RBFOX1: variants seen among roughly 807,000 people sequenced by gnomAD.
The protein encoded by RBFOX1 is RNA binding protein fox-1 homolog 1.
RBFOX1 carries 8 observed loss-of-function variants against 57.7 expected under a neutral mutation model. The observed-to-expected ratio is 0.14, with a 90% CI of 0.08 to 0.25. RBFOX1 has a LOEUF of 0.25. Among genes scored for constraint, RBFOX1 ranks in the 10% least tolerant of loss-of-function variants. RBFOX1 has a pLI of 1.00. For missense variants in RBFOX1, 611 were observed against 548.5 expected, an observed-to-expected ratio of 1.11 and a Z score of -1.14; for synonymous variants, 326 against 222.4, an observed-to-expected ratio of 1.47 and a Z score of -4.15.
At chr16:6,809,382 T>C (rs994363903) in intron 3 of RBFOX1, among the ~76,000 whole-genome samples, 3 of 152,194 alleles carry the variant, frequency 2.0e-5, no homozygotes, top group Non-Finnish European at 2.9e-5. Flanking sequence ...AGACACTTTC[T>C]AAAGGTGCAT....
chr16:7,459,382 T>G (rs2059136841), intron 4 of RBFOX1, among the ~76,000 whole-genome samples: 1 of 152,220 alleles, frequency 6.6e-6, no homozygotes, highest in Non-Finnish European at 1.5e-5. Context: ...CAAAAGTATG[T>G]TTGGTTCCGT....
At chr16:7,577,393 C>G (rs777872450) in intron 5 of RBFOX1, among the ~76,000 whole-genome samples, 1 of 152,204 alleles carries the variant, frequency 6.6e-6, no homozygotes, top group Admixed American at 6.5e-5. Context: ...CACACATACT[C>G]TCCTGAATCC....
At chr16:6,007,273 C>G (rs997710680) in intron 4 of RBFOX1, among the ~76,000 whole-genome samples, 1 of 152,214 alleles carries the variant, frequency 6.6e-6, no homozygotes, top group Non-Finnish European at 1.5e-5. Context: ...AAGTCAGTTT[C>G]CCGCTTGGAT....
chr16:7,252,668 C>T (rs769091141), intron 4 of RBFOX1, among the ~76,000 whole-genome samples: 1 of 151,328 alleles, frequency 6.6e-6, no homozygotes, highest in South Asian at 2.1e-4. Context: ...GCTACTTGTC[C>T]TAGACGTAAC....
intron 3 of RBFOX1, among the ~76,000 whole-genome samples, chr16:5,704,935 A>T (rs566471167): frequency 6.6e-6 from 1 of 152,268 alleles, no homozygotes; most frequent in South Asian, 2.1e-4. Context: ...CCAAAAAGTC[A>T]TATGGGAATG....
chr16:5,705,016 C>T (rs539916240), intron 3 of RBFOX1, among the ~76,000 whole-genome samples: 1 of 144,840 alleles, frequency 6.9e-6, no homozygotes, highest in East Asian at 2.1e-4. Flanking sequence ...GAATCTCTCC[C>T]TCCAGCCCAT....
chr16:6,719,186 A>G (rs553989819), intron 3 of RBFOX1, among the ~76,000 whole-genome samples: 1 of 152,192 alleles, frequency 6.6e-6, no homozygotes, highest in South Asian at 2.1e-4. Flanking sequence ...ACATATTTCT[A>G]TGCAAAAATG....
chr16:6,402,604 G>A (rs927613826), intron 2 of RBFOX1, among the ~76,000 whole-genome samples: 1 of 152,050 alleles, frequency 6.6e-6, no homozygotes, highest in Admixed American at 6.6e-5. Context: ...TTTACACTGG[G>A]TTGCTGTCCT....
intron 3 of RBFOX1, among the ~76,000 whole-genome samples, chr16:5,793,284 C>T (rs768671745): frequency 2.3e-4 from 35 of 152,246 alleles, no homozygotes; most frequent in Non-Finnish European, 4.4e-4. Context: ...TGCTTCTCCC[C>T]TGGCCCGCCT....
intron 4 of RBFOX1, among the ~76,000 whole-genome samples, chr16:7,340,918 A>C (rs760662363): frequency 6.6e-6 from 1 of 152,194 alleles, no homozygotes; most frequent in Admixed American, 6.5e-5. Context: ...ATGCTATATC[A>C]GCAACTATGC....
intron 12 of RBFOX1, among the ~76,000 whole-genome samples, chr16:7,658,661 C>T: frequency 6.6e-6 from 1 of 152,100 alleles, no homozygotes; most frequent in East Asian, 1.9e-4. Flanking sequence ...AAGAGGAACT[C>T]GATGAGTACC....
intron 3 of RBFOX1, among the ~76,000 whole-genome samples, chr16:5,712,433 T>C (rs935756665): frequency 5.9e-5 from 9 of 152,192 alleles, no homozygotes; most frequent in African/African-American, 1.4e-4. Flanking sequence ...GGACCAGTTA[T>C]TGGGCTCAGA....
chr16:7,014,648 G>A (rs1418612697), intron 3 of RBFOX1, among the ~76,000 whole-genome samples: 2 of 152,110 alleles, frequency 1.3e-5, no homozygotes, highest in Admixed American at 6.6e-5. Context: ...TTTTGGATTT[G>A]ATTCTCAGTC....
intron 3 of RBFOX1, among the ~76,000 whole-genome samples, chr16:6,887,920 C>T (rs1395008428): frequency 6.6e-6 from 1 of 152,098 alleles, no homozygotes; most frequent in African/African-American, 2.4e-5. Context: ...TCATGGCCTC[C>T]CAAAGTGCTG....
intron 1 of RBFOX1, among the ~76,000 whole-genome samples, chr16:5,268,916 T>A (rs2062930831): frequency 8.3e-6 from 1 of 120,784 alleles, no homozygotes; most frequent in African/African-American, 2.7e-5. Flanking sequence ...TTATTTTCTC[T>A]ATTTTTTTTT....
intron 15 of RBFOX1, chr16:7,709,653 CTT>C (rs2083606780): frequency 6.6e-7 from 1 of 1,519,676 alleles, no homozygotes; most frequent in Non-Finnish European, 8.8e-7. Context: ...GAGGGGCACA[CTT>C]TGTGTGTGTA....
intron 3 of RBFOX1, among the ~76,000 whole-genome samples, chr16:6,747,985 C>T (rs950768927): frequency 6.6e-6 from 1 of 152,112 alleles, no homozygotes; most frequent in African/African-American, 2.4e-5. Context: ...TTGAAATGCA[C>T]CTATTATACA....
chr16:6,087,759 T>G (rs758177303), intron 1 of RBFOX1, among the ~76,000 whole-genome samples: 4 of 151,962 alleles, frequency 2.6e-5, no homozygotes, highest in Non-Finnish European at 5.9e-5. Flanking sequence ...TTCAAGCAAT[T>G]CTCCTGCCTC....
chr16:7,531,802 T>C (rs2080146286), intron 5 of RBFOX1, among the ~76,000 whole-genome samples: 1 of 152,272 alleles, frequency 6.6e-6, no homozygotes, highest in East Asian at 1.9e-4. Context: ...TATGATAATA[T>C]CATTACAGGC....
Sources: allele counts gnomAD v4.1 joint callset (sites outside exome capture counted in the v4.1 genomes callset), GRCh38; gene constraint gnomAD v4.1.1; transcripts MANE v1.5; gene names NCBI Gene and HGNC (gene_info 2026-07-23, HGNC 2026-07-21).